HGD: variants seen among roughly 807,000 people sequenced by gnomAD.
The protein encoded by HGD is homogentisate oxidase.
HGD carries 61 observed loss-of-function variants against 60.8 expected under a neutral mutation model. That is an observed-to-expected ratio of 1.00 (90% CI 0.82 to 1.24). The LOEUF (loss-of-function observed/expected upper bound fraction) is 1.24. Among genes scored for constraint, HGD ranks in the 50% most tolerant of loss-of-function variants. HGD has a pLI of 0.00. For missense variants in HGD, 542 were observed against 547.1 expected (o/e 0.99, Z 0.09); for synonymous variants, 212 against 187.7 (o/e 1.13, Z -1.06).
At chr3:120,629,724 A>C (rs1365926220) in intron 13 of HGD, among the ~76,000 whole-genome samples, 1 of 152,196 alleles carries the variant, frequency 6.6e-6, no homozygotes, top group African/African-American at 2.4e-5. Context: ...GCATAAGACA[A>C]GGATGCTCTC....
At chr3:120,653,572 G>A (rs909810858) in intron 4 of HGD, among the ~76,000 whole-genome samples, 3 of 152,298 alleles carry the variant, frequency 2.0e-5, no homozygotes, top group African/African-American at 7.2e-5. Context: ...GCAGCCTTGG[G>A]ATTATTCTGC....
At chr3:120,658,224 C>T (rs1026630779) in intron 4 of HGD, among the ~76,000 whole-genome samples, 1 of 152,152 alleles carries the variant, frequency 6.6e-6, no homozygotes, top group Non-Finnish European at 1.5e-5. Context: ...GTCCCTTCCA[C>T]CTATGAGCCT....
chr3:120,648,337 T>C (rs1482419045), intron 6 of HGD, among the ~76,000 whole-genome samples: 1 of 152,164 alleles, frequency 6.6e-6, no homozygotes, highest in African/African-American at 2.4e-5. Flanking sequence ...ACGCGGCAGC[T>C]TGAAAGAAGT....
chr3:120,637,307 G>GAAA (rs63466560), intron 12 of HGD, among the ~76,000 whole-genome samples: 151 of 113,720 alleles, frequency 1.3e-3, no homozygotes, highest in African/African-American at 3.6e-3. Flanking sequence ...TTAATTTTCT[G>GAAA]AAAAAAAAAA....
chr3:120,682,203 G>T lies in HGD; in HGVS notation c.-92C>A. On this transcript the variant is annotated 5_prime_UTR_variant, in exon 1 of 14. Transcript: ENST00000283871. The stretch of plus-strand genomic sequence containing the variant: ...TTCTTTCTCCTTCAAACCACTCTTT[G>T]GATATTCCGGTTCCCACTGCTTCAC... 7.9e-7 allele frequency: 1 copy of T among 1,261,802 alleles called. No homozygotes were observed. The highest frequency in any genetic ancestry group is 1.2e-6 in the Non-Finnish European group (1 of 860,110). The allele number at this position is 1,261,802 out of a possible 1,614,324, so 78.2% of individuals were successfully genotyped here.
intron 4 of HGD, among the ~76,000 whole-genome samples, chr3:120,668,574 C>A (rs997818384): frequency 6.6e-6 from 1 of 151,130 alleles, no homozygotes; most frequent in Non-Finnish European, 1.5e-5. Flanking sequence ...GCAGAAGAAG[C>A]CTTCAGAGTA....
chr3:120,662,909 A>G (rs1168212112), intron 4 of HGD, among the ~76,000 whole-genome samples: 1 of 152,192 alleles, frequency 6.6e-6, no homozygotes, highest in Admixed American at 6.5e-5. Flanking sequence ...AAATGAGGTT[A>G]CTAGAGTGGA....
At chr3:120,655,008 T>A (rs1941452008) in intron 4 of HGD, among the ~76,000 whole-genome samples, 1 of 151,972 alleles carries the variant, frequency 6.6e-6, no homozygotes, top group East Asian at 1.9e-4. Context: ...GAGGTGGAGG[T>A]TGCAGTGAGC....
chr3:120,657,845 G>A (rs1559793774), intron 4 of HGD, among the ~76,000 whole-genome samples: 2 of 151,968 alleles, frequency 1.3e-5, no homozygotes, highest in South Asian at 2.1e-4. Flanking sequence ...GAGAAAGAGA[G>A]AGAGAAAGAA....
chr3:120,648,418 G>T (rs1380933907), intron 6 of HGD, among the ~76,000 whole-genome samples: 1 of 152,164 alleles, frequency 6.6e-6, no homozygotes, highest in African/African-American at 2.4e-5. Flanking sequence ...CCAAAGAGAG[G>T]CCTCCAGAGC....
intron 4 of HGD, among the ~76,000 whole-genome samples, chr3:120,664,489 A>C (rs1355973714): frequency 1.1e-4 from 14 of 131,602 alleles, no homozygotes. Context: ...GTGCAGTGGC[A>C]TGAACAGGGC....
At chr3:120,635,200 G>A (rs568779171) in intron 12 of HGD, among the ~76,000 whole-genome samples, 10 of 152,258 alleles carry the variant, frequency 6.6e-5, no homozygotes, top group East Asian at 5.8e-4. Flanking sequence ...AATCTAGGCC[G>A]GGCTCAGTGG....
At chr3:120,650,142 T>C (rs920582692) in intron 6 of HGD, among the ~76,000 whole-genome samples, 1 of 152,198 alleles carries the variant, frequency 6.6e-6, no homozygotes, top group African/African-American at 2.4e-5. Flanking sequence ...AATGGGAAAA[T>C]TGTATCATTC....
intron 4 of HGD, among the ~76,000 whole-genome samples, chr3:120,657,203 T>C (rs1015993286): frequency 7.2e-5 from 11 of 152,192 alleles, no homozygotes; most frequent in African/African-American, 2.7e-4. Flanking sequence ...TTGCTAGAAA[T>C]GAGGTGGTCA....
At chr3:120,644,020 C>T (rs939413022) in intron 10 of HGD, among the ~76,000 whole-genome samples, 3 of 152,264 alleles carry the variant, frequency 2.0e-5, no homozygotes, top group Admixed American at 6.5e-5. Context: ...CTACATATTG[C>T]TAATATTTTC....
intron 4 of HGD, among the ~76,000 whole-genome samples, chr3:120,668,269 C>G (rs1318918520): frequency 6.6e-6 from 1 of 152,136 alleles, no homozygotes; most frequent in African/African-American, 2.4e-5. Flanking sequence ...CCCTAAATGC[C>G]TCCCTCCCTT....
intron 9 of HGD, 41 bp downstream of exon 9, chr3:120,646,226 A>G: frequency 8.4e-7 from 1 of 1,184,702 alleles, no homozygotes; most frequent in South Asian, 1.2e-5. Flanking sequence ...TCTGAGTCCT[A>G]CATCTCAAGC....
chr3:120,647,859 G>A lies in HGD; in HGVS notation c.469+18C>T, dbSNP rs374242761. On this transcript the variant is annotated intron_variant, in intron 7 of 13. Coordinates refer to ENST00000283871, the MANE Select transcript of HGD (RefSeq NM_000187.4). ...GGGTCAATTAACAGTGAGGGGGTCT[G>A]AAGTCTTCAGAACTCACCAATCAAG... 6 of 1,600,408 alleles carry A rather than the reference G, an allele frequency of 3.7e-6. No individual in the cohort carries two copies. The highest frequency in any genetic ancestry group is 5.1e-6 in the Non-Finnish European group (6 of 1,167,592).
chr3:120,677,478 G>A lies in HGD; in HGVS notation c.16-1615C>T, dbSNP rs141432246. On this transcript the variant is annotated intron_variant, in intron 1 of 13. Coordinates refer to ENST00000283871, the MANE Select transcript of HGD (RefSeq NM_000187.4). ...GAAATAGACCCCAGTCTCCCACAGC[G>A]CTCCCAGGCTTATTAGGAAGAGGAA... Among the ~76,000 whole-genome samples the A allele has an allele frequency of 5.9e-3, 901 of 152,196 alleles. 4 individuals carry two copies. Among genetic ancestry groups the A allele is most frequent in the Non-Finnish European group, 6.9e-3 (466 of 68,018 alleles).
Sources: allele counts gnomAD v4.1 joint callset (sites outside exome capture counted in the v4.1 genomes callset), GRCh38; gene constraint gnomAD v4.1.1; transcripts MANE v1.5; gene names NCBI Gene and HGNC (gene_info 2026-07-23, HGNC 2026-07-21).